Variants in BCKDHB observed in about 807,000 individuals in gnomAD.
BCKDHB encodes branched chain keto acid dehydrogenase E1 subunit beta, also known as 2-oxoisovalerate dehydrogenase subunit beta, mitochondrial.
Under a neutral mutation model 48.5 loss-of-function variants are expected in BCKDHB, and 41 were observed. The ratio of observed to expected loss-of-function variants is 0.85; its 90% confidence interval spans 0.66 to 1.10. BCKDHB has a LOEUF of 1.10. BCKDHB is among the 50% of genes least tolerant of loss of function. The pLI is 0.00. For synonymous variants in BCKDHB, 201 were observed against 174.8 expected, an observed-to-expected ratio of 1.15 and a Z score of -1.18; for missense variants, 496 against 494.2, an observed-to-expected ratio of 1.00 and a Z score of -0.03.
At chr6:80,301,086 A>G (rs1767554986) in intron 9 of BCKDHB, among the ~76,000 whole-genome samples, 1 of 151,924 alleles carries the variant, frequency 6.6e-6, no homozygotes, top group African/African-American at 2.4e-5. Context: ...TTAAGAAGTT[A>G]GAAAGGTTTC....
At chr6:80,246,803 G>C (rs1190707821) in intron 8 of BCKDHB, among the ~76,000 whole-genome samples, 2 of 151,826 alleles carry the variant, frequency 1.3e-5, no homozygotes, top group Non-Finnish European at 2.9e-5. Flanking sequence ...CCCATCTTCT[G>C]TCCAGCCCCA....
chr6:80,226,768 A>G (rs930413119), intron 8 of BCKDHB, among the ~76,000 whole-genome samples: 4 of 152,192 alleles, frequency 2.6e-5, no homozygotes, highest in African/African-American at 9.7e-5. Context: ...GTTTTTGAGG[A>G]TAACACGATA....
At chr6:80,462,288 C>T in the BCKDHB span, among the ~76,000 whole-genome samples, 1 of 152,096 alleles carries the variant, frequency 6.6e-6, no homozygotes, top group Non-Finnish European at 1.5e-5. Context: ...AGGGCATGAG[C>T]TATATCTTTT....
chr6:80,301,502 A>G (rs1465990442), intron 9 of BCKDHB, among the ~76,000 whole-genome samples: 3 of 152,122 alleles, frequency 2.0e-5, no homozygotes, highest in Non-Finnish European at 4.4e-5. Flanking sequence ...CTTGGAACAG[A>G]CCAATAACAA....
intron 1 of BCKDHB, 193 bp from the exon 2 acceptor site, chr6:80,127,354 T>G: frequency 1.7e-6 from 1 of 573,344 alleles, no homozygotes; most frequent in South Asian, 2.0e-5. Flanking sequence ...TGGGTAAATT[T>G]TGCCCCATTA....
At chr6:80,307,475 ATTT>A (rs1157412259) in intron 9 of BCKDHB, 2 of 985,044 alleles carry the variant, frequency 2.0e-6, no homozygotes, top group Admixed American at 1.2e-4. Flanking sequence ...TTTCTATTAC[ATTT>A]TTTTCAGATA....
the BCKDHB span, among the ~76,000 whole-genome samples, chr6:80,393,414 T>G: frequency 5.9e-5 from 9 of 152,234 alleles, no homozygotes; most frequent in East Asian, 1.7e-3. Context: ...TGGGAATGAT[T>G]AGCACCCTTG....
chr6:80,156,785 A>T (rs916072336), intron 3 of BCKDHB, among the ~76,000 whole-genome samples: 58 of 152,180 alleles, frequency 3.8e-4, no homozygotes, highest in African/African-American at 1.4e-3. Context: ...ACAAAAACAG[A>T]AAGAGATTAA....
intron 9 of BCKDHB, among the ~76,000 whole-genome samples, chr6:80,280,086 C>T (rs994922667): frequency 1.9e-4 from 29 of 152,156 alleles, no homozygotes; most frequent in African/African-American, 6.5e-4. Context: ...GAGGCTGTAG[C>T]GTAAGGTAAG....
chr6:80,260,225 G>T (rs927224216), intron 8 of BCKDHB, among the ~76,000 whole-genome samples: 1 of 150,100 alleles, frequency 6.7e-6, no homozygotes, highest in Non-Finnish European at 1.5e-5. Flanking sequence ...GTGTGTGTGT[G>T]TGTGGGGTAA....
At chr6:80,235,200 T>C (rs1776099080) in intron 8 of BCKDHB, among the ~76,000 whole-genome samples, 1 of 152,234 alleles carries the variant, frequency 6.6e-6, no homozygotes, top group African/African-American at 2.4e-5. Flanking sequence ...TTTGAGATGA[T>C]AGATGTCCCA....
At chr6:80,307,400 C>G in intron 9 of BCKDHB, 1 of 979,284 alleles carries the variant, frequency 1.0e-6, no homozygotes, top group Non-Finnish European at 1.2e-6. Context: ...TAAAATTGAA[C>G]TGTATCCAAT....
At chr6:80,430,044 T>C in the BCKDHB span, among the ~76,000 whole-genome samples, 1 of 152,272 alleles carries the variant, frequency 6.6e-6, no homozygotes, top group African/African-American at 2.4e-5. Context: ...GTTCCATCGA[T>C]ACCTAGTTTA....
chr6:80,373,276 G>T, the BCKDHB span, among the ~76,000 whole-genome samples: 1 of 152,092 alleles, frequency 6.6e-6, no homozygotes, highest in Non-Finnish European at 1.5e-5. Flanking sequence ...TTGTACTTCT[G>T]TGGTTTCGGT....
intron 6 of BCKDHB, among the ~76,000 whole-genome samples, chr6:80,177,616 A>G (rs534026558): frequency 6.6e-6 from 1 of 152,284 alleles, no homozygotes; most frequent in South Asian, 2.1e-4. Flanking sequence ...TATTTTTGCC[A>G]TTTTGCCTCA....
At chr6:80,410,486 G>A in the BCKDHB span, among the ~76,000 whole-genome samples, 2 of 152,168 alleles carry the variant, frequency 1.3e-5, no homozygotes, top group Non-Finnish European at 2.9e-5. Flanking sequence ...GAATTTGAAT[G>A]TTGGCCTGCC....
chr6:80,454,800 A>T, the BCKDHB span, among the ~76,000 whole-genome samples: 2 of 152,134 alleles, frequency 1.3e-5, no homozygotes, highest in Admixed American at 6.5e-5. Context: ...TCCAAAGTTG[A>T]CTTTTACGTT....
the BCKDHB span, among the ~76,000 whole-genome samples, chr6:80,402,861 A>G: frequency 6.6e-6 from 1 of 151,818 alleles, no homozygotes; most frequent in East Asian, 1.9e-4. Flanking sequence ...TGAAGAGATT[A>G]TCCTTGCTCC....
chr6:80,295,511 G>A (rs1398101977), intron 9 of BCKDHB, among the ~76,000 whole-genome samples: 1 of 151,492 alleles, frequency 6.6e-6, no homozygotes, highest in African/African-American at 2.4e-5. Context: ...TCTCTCCCAT[G>A]ACATATGGGA....
Sources: allele counts gnomAD v4.1 joint callset (sites outside exome capture counted in the v4.1 genomes callset), GRCh38; gene constraint gnomAD v4.1.1; transcripts MANE v1.5; gene names NCBI Gene and HGNC (gene_info 2026-07-23, HGNC 2026-07-21).